RABGAP1L: variants seen among roughly 807,000 people sequenced by gnomAD.
The protein encoded by RABGAP1L is rab GTPase-activating protein 1-like.
In RABGAP1L, 63 loss-of-function variants were observed where a neutral mutation model predicts 137.7. That is an observed-to-expected ratio of 0.46 (90% CI 0.37 to 0.56). The LOEUF (loss-of-function observed/expected upper bound fraction) is 0.56, where lower values mean the gene tolerates loss of function less well. Ranked by LOEUF, RABGAP1L falls within the 20% of genes least tolerant of loss-of-function variation. The probability of loss-of-function intolerance (pLI) is 0.00; values close to 1 mark genes in which losing one functional copy is unlikely to be tolerated. For synonymous variants in RABGAP1L, 431 were observed against 433.7 expected (o/e 0.99, Z 0.08); for missense variants, 1,095 against 1,244.0 (o/e 0.88, Z 1.80).
At chr1:174,534,063 A>C (rs1664670217) in intron 13 of RABGAP1L, among the ~76,000 whole-genome samples, 1 of 151,888 alleles carries the variant, frequency 6.6e-6, no homozygotes, top group African/African-American at 2.4e-5. Context: ...GGGAGTCAAA[A>C]GTTATACATG....
At chr1:174,930,032 A>G (rs1382684954) in intron 19 of RABGAP1L, among the ~76,000 whole-genome samples, 1 of 136,698 alleles carries the variant, frequency 7.3e-6, no homozygotes, top group South Asian at 2.3e-4. Flanking sequence ...TTTTTTTTGT[A>G]AAGACAGAGT....
chr1:174,643,916 G>GGTGTGTGT (rs553946714), intron 14 of RABGAP1L, among the ~76,000 whole-genome samples: 12 of 145,614 alleles, frequency 8.2e-5, no homozygotes, highest in African/African-American at 2.8e-4. Flanking sequence ...CTTATATAGG[G>GGTGTGTGT]GTGTGTGTGT....
At chr1:174,621,308 C>A (rs1238276142) in intron 13 of RABGAP1L, among the ~76,000 whole-genome samples, 1 of 152,178 alleles carries the variant, frequency 6.6e-6, no homozygotes, top group Non-Finnish European at 1.5e-5. Flanking sequence ...AATGCCATCC[C>A]CATCAAGCTA....
chr1:174,856,132 C>T (rs1258401934), intron 19 of RABGAP1L, among the ~76,000 whole-genome samples: 1 of 152,310 alleles, frequency 6.6e-6, no homozygotes, highest in African/African-American at 2.4e-5. Flanking sequence ...CGCAGTGGCT[C>T]ACGCCTGTAA....
At chr1:174,571,575 A>T (rs1667980923) in intron 13 of RABGAP1L, among the ~76,000 whole-genome samples, 1 of 152,074 alleles carries the variant, frequency 6.6e-6, no homozygotes, top group Admixed American at 6.6e-5. Context: ...GAAATTAAAA[A>T]TAAAAAAATT....
chr1:174,777,187 G>T (rs1233632959), intron 18 of RABGAP1L, among the ~76,000 whole-genome samples: 1 of 152,168 alleles, frequency 6.6e-6, no homozygotes, highest in Non-Finnish European at 1.5e-5. Flanking sequence ...CCTTAAATAA[G>T]AATTTTTTTT....
chr1:174,757,937 C>T (rs1684893616), intron 18 of RABGAP1L, among the ~76,000 whole-genome samples: 1 of 151,188 alleles, frequency 6.6e-6, no homozygotes, highest in African/African-American at 2.4e-5. Context: ...GCACAAGAAT[C>T]GCTTGAACCC....
chr1:174,435,083 A>C (rs2149209086), intron 13 of RABGAP1L, among the ~76,000 whole-genome samples: 1 of 152,270 alleles, frequency 6.6e-6, no homozygotes, highest in Non-Finnish European at 1.5e-5. Flanking sequence ...GTGTGTTGGC[A>C]TGACCATAGC....
intron 7 of RABGAP1L, among the ~76,000 whole-genome samples, chr1:174,270,807 C>A (rs1041365728): frequency 6.6e-6 from 1 of 151,870 alleles, no homozygotes; most frequent in African/African-American, 2.4e-5. Flanking sequence ...GTAATTTAAA[C>A]CCTATAATAT....
intron 13 of RABGAP1L, among the ~76,000 whole-genome samples, chr1:174,615,365 C>T (rs1025632155): frequency 6.6e-6 from 1 of 152,194 alleles, no homozygotes; most frequent in Admixed American, 6.5e-5. Context: ...GCCTGGGTAT[C>T]AGCAGCAGTG....
chr1:174,723,589 C>T (rs772572472), intron 17 of RABGAP1L, among the ~76,000 whole-genome samples: 8 of 151,940 alleles, frequency 5.3e-5, no homozygotes, highest in African/African-American at 9.7e-5. Flanking sequence ...GATGTCTTTT[C>T]GACACATGTA....
intron 11 of RABGAP1L, among the ~76,000 whole-genome samples, chr1:174,307,034 A>G (rs1301702845): frequency 6.6e-6 from 1 of 152,196 alleles, no homozygotes; most frequent in East Asian, 1.9e-4. Context: ...ACTATATGCT[A>G]AGAACATTCC....
chr1:174,682,112 C>T (rs1180175211), intron 14 of RABGAP1L, among the ~76,000 whole-genome samples: 1 of 152,066 alleles, frequency 6.6e-6, no homozygotes, highest in Non-Finnish European at 1.5e-5. Context: ...GAAACCCTGT[C>T]TCTACTAAAA....
Position 174,397,304 on chromosome 1 carries a change from A to G in RABGAP1L, c.1710+3159A>G, listed in dbSNP as rs979070862. On this transcript the variant is annotated intron_variant, in intron 13 of 25. Coordinates refer to ENST00000681986, the MANE Select transcript of RABGAP1L (RefSeq NM_001366446.1). ...TGAAGATTGCGGGGAGGCAAAAGCCATATTTTCTCTGGCAGTGTGGTTGGC... is the reference window on the plus strand; with the variant it reads ...TGAAGATTGCGGGGAGGCAAAAGCCGTATTTTCTCTGGCAGTGTGGTTGGC... Among the ~76,000 whole-genome samples, 5 of 152,218 alleles carry G rather than the reference A, an allele frequency of 3.3e-5. No individual in the cohort carries two copies. The South Asian group carries it at 6.2e-4, about 19-fold the overall frequency.
intron 13 of RABGAP1L, among the ~76,000 whole-genome samples, chr1:174,563,935 C>T (rs1256196692): frequency 6.6e-6 from 1 of 152,006 alleles, no homozygotes; most frequent in Non-Finnish European, 1.5e-5. Flanking sequence ...GAAAACATGA[C>T]CTCTAAAAAA....
intron 13 of RABGAP1L, among the ~76,000 whole-genome samples, chr1:174,533,935 G>A (rs1460324501): frequency 1.4e-5 from 2 of 144,722 alleles, no homozygotes; most frequent in Admixed American, 6.7e-5. Flanking sequence ...GCCTCCCAAA[G>A]TGCTGGGATT....
chr1:174,250,451 G>T (rs769528909), intron 5 of RABGAP1L, 24 bp from the exon 6 acceptor site: 1 of 1,583,454 alleles, frequency 6.3e-7, no homozygotes, highest in South Asian at 1.2e-5. Context: ...TTGCCTAATG[G>T]TATTTCCTTT....
chr1:174,632,398 T>G (rs1176367528), intron 13 of RABGAP1L, among the ~76,000 whole-genome samples: 2 of 148,474 alleles, frequency 1.3e-5, no homozygotes, highest in Non-Finnish European at 3.0e-5. Flanking sequence ...GAGGAGTATC[T>G]TTGTGGCATT....
chr1:174,799,766 C>CAGCAGCAGT (rs1278712451), intron 18 of RABGAP1L: 10 of 858,796 alleles, frequency 1.2e-5, no homozygotes, highest in Non-Finnish European at 1.4e-5. Context: ...GAGGCAGCAG[C>CAGCAGCAGT]AGCAGCAGTA....
Sources: allele counts gnomAD v4.1 joint callset (sites outside exome capture counted in the v4.1 genomes callset), GRCh38; gene constraint gnomAD v4.1.1; transcripts MANE v1.5; gene names NCBI Gene and HGNC (gene_info 2026-07-23, HGNC 2026-07-21).